DLGAP1: variants seen among roughly 807,000 people sequenced by gnomAD.
The protein encoded by DLGAP1 is DLG associated protein 1.
Under a neutral mutation model 90.8 loss-of-function variants are expected in DLGAP1, and 11 were observed. That is an observed-to-expected ratio of 0.12 (90% CI 0.08 to 0.20). The LOEUF (loss-of-function observed/expected upper bound fraction) is 0.20, where lower values mean the gene tolerates loss of function less well. DLGAP1 is among the 10% of genes least tolerant of loss of function. The pLI, the probability that DLGAP1 is intolerant of heterozygous loss-of-function variation, is 1.00. For missense variants in DLGAP1, 1,050 were observed against 1,333.8 expected (o/e 0.79, Z 3.31); for synonymous variants, 558 against 540.7 (o/e 1.03, Z -0.44).
At chr18:3,690,171 C>T (rs342506) in intron 7 of DLGAP1, among the ~76,000 whole-genome samples, 87,685 of 147,446 alleles carry the variant, frequency 0.59, 27,599 homozygotes, top group African/African-American at 0.81. Flanking sequence ...ACTGCGGACT[C>T]GAACTCCTGG....
intron 7 of DLGAP1, among the ~76,000 whole-genome samples, chr18:3,676,769 C>A (rs7237082): frequency 0.02 from 3,058 of 151,782 alleles, 106 homozygotes; most frequent in African/African-American, 0.07. Flanking sequence ...AGAAAAAGTA[C>A]TCTTCTAATT....
At chr18:3,547,012 G>A (rs2053071282) in intron 9 of DLGAP1, among the ~76,000 whole-genome samples, 2 of 151,364 alleles carry the variant, frequency 1.3e-5, no homozygotes, top group African/African-American at 4.9e-5. Context: ...ACCAATATCA[G>A]AAATGAGAGC....
At position 3,797,148 on chromosome 18, in the gene DLGAP1, A is replaced by G. The variant is rs534841642; in HGVS notation, c.1172+16911T>C. On this transcript the variant is annotated intron_variant, in intron 5 of 12. Coordinates refer to ENST00000315677, the MANE Select transcript of DLGAP1 (RefSeq NM_004746.4). ...GGAGATCGAGACCATCCTGGCTAAC[A>G]TGGTGAAACCTTGACTCTACTAAAA... Among the ~76,000 whole-genome samples, 311 of 152,282 alleles carry G rather than the reference A, an allele frequency of 2.0e-3. 5 individuals are homozygous for G. The highest frequency in any genetic ancestry group is 0.016 in the Admixed American group (245 of 15,298).
chr18:3,587,254 C>T (rs2055941318), intron 7 of DLGAP1, among the ~76,000 whole-genome samples: 1 of 152,028 alleles, frequency 6.6e-6, no homozygotes, highest in South Asian at 2.1e-4. Context: ...AGAGTTTCAC[C>T]ATGTTGGCCA....
intron 1 of DLGAP1, among the ~76,000 whole-genome samples, chr18:4,333,419 C>G (rs1156406618): frequency 6.6e-6 from 1 of 151,642 alleles, no homozygotes; most frequent in East Asian, 1.9e-4. Flanking sequence ...ATCATTTTTA[C>G]AACTGTCTCA....
intron 3 of DLGAP1, among the ~76,000 whole-genome samples, chr18:3,927,032 A>G (rs2072407670): frequency 6.6e-6 from 1 of 152,214 alleles, no homozygotes; most frequent in South Asian, 2.1e-4. Flanking sequence ...ACAATGAATA[A>G]TAATTTAATA....
chr18:4,303,329 A>T (rs561461158), intron 1 of DLGAP1, among the ~76,000 whole-genome samples: 2 of 152,226 alleles, frequency 1.3e-5, no homozygotes, highest in South Asian at 4.1e-4. Context: ...AAGAAAAAAA[A>T]TGTAGGCAGA....
At chr18:3,926,445 CAT>C in intron 3 of DLGAP1, among the ~76,000 whole-genome samples, 2 of 149,514 alleles carry the variant, frequency 1.3e-5, no homozygotes, top group African/African-American at 2.5e-5. Context: ...CACACACACA[CAT>C]GCATGTATGT....
chr18:3,801,753 C>T (rs1598805854), intron 5 of DLGAP1, among the ~76,000 whole-genome samples: 1 of 151,590 alleles, frequency 6.6e-6, no homozygotes, highest in African/African-American at 2.4e-5. Context: ...AATAAAGAAG[C>T]CAAAAGAAAA....
intron 5 of DLGAP1, among the ~76,000 whole-genome samples, chr18:3,753,562 G>GCATGTTAC (rs2063588644): frequency 6.6e-6 from 1 of 152,170 alleles, no homozygotes; most frequent in Non-Finnish European, 1.5e-5. Context: ...ATATATTGCT[G>GCATGTTAC]AGAATCTAGA....
chr18:3,824,337 T>C (rs984098028), intron 4 of DLGAP1, among the ~76,000 whole-genome samples: 1 of 152,190 alleles, frequency 6.6e-6, no homozygotes, highest in Non-Finnish European at 1.5e-5. Flanking sequence ...GGAAACATCA[T>C]TCATCAACAC....
Position 3,742,510 on chromosome 18 carries a change from A to G in DLGAP1, c.1175T>C (p.Ile392Thr), listed in dbSNP as rs2063098078. The change falls in exon 6 of 13, where the codon ATC becomes ACC. Residue 392 changes from isoleucine (I) to threonine (T), a missense_variant and splice_region_variant. Ile to Thr is a moderately conservative substitution (Grantham distance 89, BLOSUM62 -1). Transcript: ENST00000315677. ...GAGTTTGGGTGAGTGTTCATTGGAG[A>G]TTCTGGAAGGGAACAATGGAAGAGG... ...PSLTELTTLK[I>T]SNEHSPKLQI... The G allele has an allele frequency of 6.8e-6, 11 of 1,614,034 alleles. No individual in the cohort carries two copies. The East Asian group carries it at 2.5e-4, about 36-fold the overall frequency.
chr18:4,171,726 C>A (rs1266152843), intron 1 of DLGAP1, among the ~76,000 whole-genome samples: 1 of 152,114 alleles, frequency 6.6e-6, no homozygotes, highest in East Asian at 1.9e-4. Context: ...ATAAACCTAG[C>A]TTTCAGTGTT....
At chr18:3,558,167 A>G (rs187233824) in intron 9 of DLGAP1, among the ~76,000 whole-genome samples, 3 of 152,280 alleles carry the variant, frequency 2.0e-5, no homozygotes, top group African/African-American at 7.2e-5. Context: ...GAAGTCTCCA[A>G]TTATAATAGT....
At chr18:3,627,644 G>C (rs115331227) in intron 7 of DLGAP1, among the ~76,000 whole-genome samples, 1 of 151,710 alleles carries the variant, frequency 6.6e-6, no homozygotes, top group Non-Finnish European at 1.5e-5. Context: ...TTTAGTTGTG[G>C]GGCATTCCTT....
At chr18:3,734,941 T>A (rs931589337) in intron 6 of DLGAP1, among the ~76,000 whole-genome samples, 3 of 152,188 alleles carry the variant, frequency 2.0e-5, no homozygotes, top group African/African-American at 7.2e-5. Context: ...TTTCTAGAAT[T>A]TGTATTTTAT....
intron 8 of DLGAP1, chr18:3,580,870 G>T (rs1037572574): frequency 9.5e-7 from 1 of 1,049,926 alleles, no homozygotes; most frequent in Non-Finnish European, 1.4e-6. Flanking sequence ...GTGGCCGGTT[G>T]TACCCTGCAG....
chr18:4,339,984 C>T (rs570077575), intron 1 of DLGAP1, among the ~76,000 whole-genome samples: 3 of 152,130 alleles, frequency 2.0e-5, no homozygotes, highest in South Asian at 2.1e-4. Flanking sequence ...TTTTATGTTA[C>T]ATTGGTCTTC....
At chr18:4,059,961 T>C (rs1598326494) in intron 2 of DLGAP1, among the ~76,000 whole-genome samples, 2 of 152,116 alleles carry the variant, frequency 1.3e-5, no homozygotes, top group South Asian at 4.1e-4. Flanking sequence ...TCCCAGGTAA[T>C]GGCCACTGGT....
Sources: gnomAD v4.1 joint callset for allele counts (sites outside exome capture counted in the v4.1 genomes callset) on GRCh38, gnomAD v4.1.1 for gene constraint, MANE v1.5 for transcripts, NCBI Gene and HGNC (gene_info 2026-07-23, HGNC 2026-07-21) for gene names.